MEGF11: variants seen among roughly 807,000 people sequenced by gnomAD.
The protein encoded by MEGF11 is multiple EGF like domains 11.
A neutral mutation model predicts 146.6 loss-of-function variants in MEGF11; 126 were observed. The ratio of observed to expected loss-of-function variants is 0.86; its 90% CI spans 0.74 to 1.00. The LOEUF is 1.00. MEGF11 is among the 50% of genes least tolerant of loss of function. The pLI is 0.00. For missense variants in MEGF11, 1,509 were observed against 1,521.2 expected, an observed-to-expected ratio of 0.99 and a Z score of 0.13; for synonymous variants, 532 against 583.4, an observed-to-expected ratio of 0.91 and a Z score of 1.27.
intron 2 of MEGF11, 137 bp from the exon 3 acceptor site, chr15:66,124,137 C>G (rs2088208227): frequency 1.5e-6 from 1 of 679,790 alleles, no homozygotes; most frequent in Non-Finnish European, 2.6e-6. Context: ...TCCCCCCTCC[C>G]AACTATCCTC....
At chr15:66,049,661 T>C (rs547342219) in intron 5 of MEGF11, among the ~76,000 whole-genome samples, 14 of 152,312 alleles carry the variant, frequency 9.2e-5, no homozygotes, top group African/African-American at 2.9e-4. Flanking sequence ...AATTATTACA[T>C]ATGTGGTTTC....
At chr15:66,208,763 TCCC>T (rs1327945152) in intron 1 of MEGF11, among the ~76,000 whole-genome samples, 1 of 152,132 alleles carries the variant, frequency 6.6e-6, no homozygotes, top group Admixed American at 6.5e-5. Context: ...ACACCTGTAA[TCCC>T]AGCTACTCAG....
intron 1 of MEGF11, among the ~76,000 whole-genome samples, chr15:66,150,354 C>G (rs2089517151): frequency 6.6e-6 from 1 of 152,216 alleles, no homozygotes; most frequent in South Asian, 2.1e-4. Flanking sequence ...ATTATGCTGT[C>G]TTTGATCATA....
rs2078902555 is a variant in MEGF11 at position 65,913,898 on chromosome 15, C to T, written c.2549G>A (p.Gly850Asp). The change falls in exon 20 of 26, where the codon GGT (glycine) becomes GAT (aspartate). Residue 850 changes from glycine (G) to aspartate (D), a missense_variant. Physicochemically the swap from Gly to Asp is moderately conservative, Grantham distance 94 (BLOSUM62 -1). Transcript: ENST00000395614. Reference sequence around the variant, plus strand: ...CAGGAGCATGATGCCTGTGACAGCACCCACCGAGTGCCGCTCTGCACCCAG... The same window carrying T: ...CAGGAGCATGATGCCTGTGACAGCATCCACCGAGTGCCGCTCTGCACCCAG... ...PALGAERHSV[G>D]AVTGIMLLLF... The T allele has an allele frequency of 6.2e-7, 1 of 1,613,906 alleles. No homozygotes were observed. Among genetic ancestry groups the T allele is most frequent in the South Asian group, 1.1e-5 (1 of 91,056 alleles).
At chr15:66,174,918 A>G (rs1030373059) in intron 1 of MEGF11, among the ~76,000 whole-genome samples, 1 of 152,060 alleles carries the variant, frequency 6.6e-6, no homozygotes, top group African/African-American at 2.4e-5. Flanking sequence ...GAGAACTTTC[A>G]TTTCCTTATT....
chr15:66,217,374 G>A (rs2091611216), intron 1 of MEGF11, among the ~76,000 whole-genome samples: 1 of 152,220 alleles, frequency 6.6e-6, no homozygotes, highest in South Asian at 2.1e-4. Flanking sequence ...GTGGAGATGG[G>A]CCCCTTTGGA....
chr15:66,158,476 G>T (rs2089842901), intron 1 of MEGF11, among the ~76,000 whole-genome samples: 1 of 152,258 alleles, frequency 6.6e-6, no homozygotes, highest in African/African-American at 2.4e-5. Context: ...AGAGCTGGTG[G>T]TGCCAGGTCC....
At chr15:66,072,961 C>T (rs939017429) in intron 5 of MEGF11, among the ~76,000 whole-genome samples, 2 of 152,224 alleles carry the variant, frequency 1.3e-5, no homozygotes, top group African/African-American at 2.4e-5. Flanking sequence ...AATAAGAAAT[C>T]GGCCAGGGCT....
intron 4 of MEGF11, among the ~76,000 whole-genome samples, chr15:66,116,988 G>A (rs1203068026): frequency 2.0e-5 from 3 of 152,212 alleles, no homozygotes; most frequent in Non-Finnish European, 4.4e-5. Flanking sequence ...CCACTTTCCA[G>A]ATGTGTGATC....
At chr15:66,009,407 A>G (rs1004923033) in intron 5 of MEGF11, among the ~76,000 whole-genome samples, 2 of 152,024 alleles carry the variant, frequency 1.3e-5, no homozygotes, top group Non-Finnish European at 2.9e-5. Flanking sequence ...GATGCTTCCT[A>G]GTGGCTGGGA....
At chr15:66,251,476 C>T (rs1046502769) in intron 1 of MEGF11, among the ~76,000 whole-genome samples, 1 of 152,220 alleles carries the variant, frequency 6.6e-6, no homozygotes, top group African/African-American at 2.4e-5. Flanking sequence ...ACCCCCAGAG[C>T]TCGGTGCAGG....
intron 5 of MEGF11, among the ~76,000 whole-genome samples, chr15:66,060,758 C>T (rs115558935): frequency 9.8e-5 from 15 of 152,346 alleles, no homozygotes; most frequent in African/African-American, 3.6e-4. Context: ...GCAGCACCTA[C>T]AGCACTAAGT....
At chr15:65,952,856 A>T (rs2080456527) in intron 10 of MEGF11, among the ~76,000 whole-genome samples, 1 of 152,226 alleles carries the variant, frequency 6.6e-6, no homozygotes, top group Admixed American at 6.5e-5. Context: ...GCAATTTACC[A>T]ATGCATACCC....
At chr15:65,900,722 C>T (rs2078475050) in intron 24 of MEGF11, among the ~76,000 whole-genome samples, 1 of 152,342 alleles carries the variant, frequency 6.6e-6, no homozygotes, top group South Asian at 2.1e-4. Context: ...GCAGAGCAAA[C>T]TCTGTAGAAC....
intron 1 of MEGF11, among the ~76,000 whole-genome samples, chr15:66,171,301 C>A (rs2090248442): frequency 6.6e-6 from 1 of 152,182 alleles, no homozygotes; most frequent in African/African-American, 2.4e-5. Context: ...GACAGAGAAT[C>A]GGGGAAGCTG....
At chr15:66,098,288 C>A (rs2086637516) in intron 4 of MEGF11, among the ~76,000 whole-genome samples, 1 of 152,126 alleles carries the variant, frequency 6.6e-6, no homozygotes, top group African/African-American at 2.4e-5. Flanking sequence ...AACACTGGCC[C>A]TTCCCTAACC....
At chr15:65,901,530 G>T (rs1231321334) in intron 24 of MEGF11, among the ~76,000 whole-genome samples, 1 of 151,944 alleles carries the variant, frequency 6.6e-6, no homozygotes, top group East Asian at 1.9e-4. Flanking sequence ...TCTCTTAGTT[G>T]ATACCAATCA....
chr15:66,186,010 C>T (rs1046458342), intron 1 of MEGF11, among the ~76,000 whole-genome samples: 5 of 152,168 alleles, frequency 3.3e-5, no homozygotes, highest in African/African-American at 1.2e-4. Flanking sequence ...GGGACCACTT[C>T]AGCAGCTACT....
At chr15:66,243,112 C>A (rs1218071175) in intron 1 of MEGF11, among the ~76,000 whole-genome samples, 1 of 152,198 alleles carries the variant, frequency 6.6e-6, no homozygotes, top group Non-Finnish European at 1.5e-5. Context: ...TCACTTCCTG[C>A]CATTAACTCA....
Sources: gnomAD v4.1 joint callset for allele counts (sites outside exome capture counted in the v4.1 genomes callset) on GRCh38, gnomAD v4.1.1 for gene constraint, MANE v1.5 for transcripts, NCBI Gene and HGNC (gene_info 2026-07-23, HGNC 2026-07-21) for gene names.